Variants in LNX2 observed in about 807,000 individuals in gnomAD.
LNX2 encodes the protein ligand of Numb protein X 2.
A neutral mutation model predicts 66.2 loss-of-function variants in LNX2; 35 were observed. The ratio of observed to expected loss-of-function variants is 0.53; its 90% confidence interval spans 0.40 to 0.70. The LOEUF (loss-of-function observed/expected upper bound fraction) is 0.70, where lower values mean the gene tolerates loss of function less well. LNX2 is among the 30% of genes least tolerant of loss of function. LNX2 has a pLI of 0.00. For missense variants in LNX2, 791 were observed against 850.8 expected (o/e 0.93, Z 0.87); for synonymous variants, 337 against 315.6 (o/e 1.07, Z -0.72).
At chr13:27,602,157 C>T (rs932946688) in intron 1 of LNX2, among the ~76,000 whole-genome samples, 4 of 151,770 alleles carry the variant, frequency 2.6e-5, no homozygotes, top group Non-Finnish European at 4.4e-5. Flanking sequence ...GACTGCATTT[C>T]GCCATGTTGC....
Position 27,584,762 on chromosome 13 carries a change from G to C in LNX2, c.-100-2959C>G, listed in dbSNP as rs567257529. Among the ~76,000 whole-genome samples the C allele has an allele frequency of 2.0e-5, 3 of 152,270 alleles. No homozygotes were observed. The South Asian group carries it at 6.2e-4, about 32-fold the overall frequency. On this transcript the variant is annotated intron_variant, in intron 1 of 9. Transcript: ENST00000316334. ...CAACTGTCATAAATTAGGAGGTGGT[G>C]GCATAGGATTCAGGCAGGACAGTTG...
chr13:27,602,463 G>A (rs907438370), intron 1 of LNX2, among the ~76,000 whole-genome samples: 3 of 151,958 alleles, frequency 2.0e-5, no homozygotes, highest in African/African-American at 7.3e-5. Flanking sequence ...CACCTAAATG[G>A]GAACATAGAG....
At chr13:27,610,550 T>C (rs1363134033) in intron 1 of LNX2, among the ~76,000 whole-genome samples, 1 of 152,126 alleles carries the variant, frequency 6.6e-6, no homozygotes, top group South Asian at 2.1e-4. Flanking sequence ...ATAAAACTCC[T>C]AGAAGAAAAC....
chr13:27,580,409 G>A (rs1593251010), intron 2 of LNX2, among the ~76,000 whole-genome samples: 1 of 152,194 alleles, frequency 6.6e-6, no homozygotes, highest in East Asian at 1.9e-4. Context: ...GTATGATGTA[G>A]TATGCATTGT....
chr13:27,574,711 C>T (rs187194032), intron 2 of LNX2, among the ~76,000 whole-genome samples: 1 of 152,284 alleles, frequency 6.6e-6, no homozygotes, highest in East Asian at 1.9e-4. Flanking sequence ...ATCCAAGAAG[C>T]TTAATAAACT....
At chr13:27,605,585 AG>A in intron 1 of LNX2, among the ~76,000 whole-genome samples, 1 of 152,358 alleles carries the variant, frequency 6.6e-6, no homozygotes, top group East Asian at 1.9e-4. Context: ...TTTAGATCAA[AG>A]AAGTCTGGTT....
At chr13:27,577,756 A>C (rs1177702063) in intron 2 of LNX2, among the ~76,000 whole-genome samples, 1 of 152,226 alleles carries the variant, frequency 6.6e-6, no homozygotes, top group Non-Finnish European at 1.5e-5. Context: ...ACCTTGCCAT[A>C]AACTAGGGCA....
chr13:27,609,375 C>T (rs1158249863), intron 1 of LNX2, among the ~76,000 whole-genome samples: 1 of 150,412 alleles, frequency 6.6e-6, no homozygotes, highest in Non-Finnish European at 1.5e-5. Flanking sequence ...AGGCTGGTCT[C>T]GAACTCCTGA....
chr13:27,604,828 G>GTAT (rs36043910), intron 1 of LNX2, among the ~76,000 whole-genome samples: 1 of 148,510 alleles, frequency 6.7e-6, no homozygotes, highest in Non-Finnish European at 1.5e-5. Flanking sequence ...CTATTGAATT[G>GTAT]TATTATTATT....
intron 1 of LNX2, among the ~76,000 whole-genome samples, chr13:27,618,112 C>G (rs1955846740): frequency 6.6e-6 from 1 of 152,200 alleles, no homozygotes; most frequent in South Asian, 2.1e-4. Context: ...TCACAGCCAG[C>G]TTACCCAGTA....
chr13:27,600,999 A>G (rs1233298433), intron 1 of LNX2, among the ~76,000 whole-genome samples: 1 of 152,218 alleles, frequency 6.6e-6, no homozygotes, highest in African/African-American at 2.4e-5. Flanking sequence ...TGACTGCTTC[A>G]CTTGATACTC....
At chr13:27,566,538 ACCT>A (rs1955208041) in intron 4 of LNX2, among the ~76,000 whole-genome samples, 1 of 152,104 alleles carries the variant, frequency 6.6e-6, no homozygotes, top group South Asian at 2.1e-4. Flanking sequence ...TCTGGACTTG[ACCT>A]CCTAGTTGAA....
At chr13:27,583,232 GTGTGTGTGTGTGTGT>G (rs1955434028) in intron 1 of LNX2, among the ~76,000 whole-genome samples, 1 of 23,176 alleles carries the variant, frequency 4.3e-5, no homozygotes, top group Non-Finnish European at 7.8e-5. Context: ...GTGTGTGTGT[GTGTGTGTGTGTGTGT>G]GTGTGTGTGC....
At chr13:27,575,558 A>G (rs1023696935) in intron 2 of LNX2, among the ~76,000 whole-genome samples, 1 of 152,148 alleles carries the variant, frequency 6.6e-6, no homozygotes, top group African/African-American at 2.4e-5. Context: ...GTGACATCTC[A>G]TCTCCTGCCC....
At chr13:27,606,172 G>A (rs924103916) in intron 1 of LNX2, among the ~76,000 whole-genome samples, 1 of 152,114 alleles carries the variant, frequency 6.6e-6, no homozygotes, top group Admixed American at 6.5e-5. Flanking sequence ...AGCACAACTT[G>A]TACTACAAAA....
chr13:27,587,833 A>G (rs1021776047), intron 1 of LNX2, among the ~76,000 whole-genome samples: 6 of 152,124 alleles, frequency 3.9e-5, no homozygotes, highest in Non-Finnish European at 8.8e-5. Flanking sequence ...CATCCTGGCT[A>G]ACACAGTGAA....
chr13:27,606,016 T>G (rs1167748125), intron 1 of LNX2, among the ~76,000 whole-genome samples: 1 of 152,090 alleles, frequency 6.6e-6, no homozygotes, highest in African/African-American at 2.4e-5. Context: ...CACCTGACAA[T>G]CCTCAAAATG....
intron 1 of LNX2, among the ~76,000 whole-genome samples, chr13:27,587,585 T>C (rs1044971644): frequency 6.6e-6 from 1 of 152,130 alleles, no homozygotes; most frequent in Non-Finnish European, 1.5e-5. Flanking sequence ...AGCCCGTTAA[T>C]TTACAAATGC....
chr13:27,562,953 C>T (rs1312678844), intron 4 of LNX2, among the ~76,000 whole-genome samples, 172 bp from the exon 5 acceptor site: 2 of 152,166 alleles, frequency 1.3e-5, no homozygotes, highest in Non-Finnish European at 2.9e-5. Flanking sequence ...CATTTAAAAA[C>T]AGAGTTTCTA....
Sources: allele counts gnomAD v4.1 joint callset (sites outside exome capture counted in the v4.1 genomes callset), GRCh38; gene constraint gnomAD v4.1.1; transcripts MANE v1.5; gene names NCBI Gene and HGNC (gene_info 2026-07-23, HGNC 2026-07-21).